Variants in BRAF observed in about 807,000 individuals in gnomAD.
BRAF encodes serine/threonine-protein kinase B-raf.
Under a neutral mutation model 104.6 loss-of-function variants are expected in BRAF, and 16 were observed. That is an observed-to-expected ratio of 0.15 (90% CI 0.10 to 0.23). BRAF has a LOEUF of 0.23. Ranked by LOEUF, BRAF falls within the 10% of genes least tolerant of loss-of-function variation. BRAF has a pLI of 1.00. For missense variants in BRAF, 541 were observed against 937.3 expected (o/e 0.58, Z 5.52); for synonymous variants, 310 against 341.6 (o/e 0.91, Z 1.02).
rs769648920 is a variant in BRAF at position 140,834,677 on chromosome 7, G to T, written c.436C>A (p.Arg146=). 1.2e-6 allele frequency: 2 copies of T among 1,614,120 alleles called. No individual in the cohort carries two copies. Among genetic ancestry groups the T allele is most frequent in the South Asian group, 2.2e-5 (2 of 91,082 alleles). The change falls in exon 3 of 20, where the codon CGG becomes AGG. Residue 146 remains arginine (R), a synonymous_variant. Transcript: ENST00000644969. ...SVFQNPTDVA[R]SNPKSPQKPI... ...TTTTGTGGTGACTTGGGGTTGCTCC[G>T]TGCCACATCTGTGGGATTTTGAAAA...
chr7:140,754,583 C>T (rs998601915), intron 14 of BRAF, among the ~76,000 whole-genome samples: 5 of 152,154 alleles, frequency 3.3e-5, no homozygotes, highest in Non-Finnish European at 7.3e-5. Context: ...ATGCTCCCCT[C>T]CTACACCCAA....
chr7:140,734,738 T>C lies in BRAF; in HGVS notation c.2280A>G (p.Ser760=), dbSNP rs915698949. ...ILASIELLAR[S]LPKIHRSASE... ...ATGCACTGCGGTGAATTTTTGGCAA[T>C]GAGCGGGCCAGCAGCTCAATAGAGG... is the stretch of plus-strand genomic sequence containing the variant. Residue 760 remains serine, a synonymous_variant, in exon 19 of 20, where the codon TCA becomes TCG. Coordinates refer to ENST00000644969, the MANE Select transcript of BRAF (RefSeq NM_001374258.1). 1.7e-5 allele frequency: 27 copies of C among 1,586,600 alleles called. No homozygotes were observed. The highest frequency in any genetic ancestry group is 2.2e-5 in the Non-Finnish European group (26 of 1,176,054).
At chr7:140,872,440 T>A (rs1811719373) in intron 1 of BRAF, among the ~76,000 whole-genome samples, 1 of 152,010 alleles carries the variant, frequency 6.6e-6, no homozygotes, top group South Asian at 2.1e-4. Flanking sequence ...CCTACATACA[T>A]CTAAGAGAAA....
At chr7:140,762,259 G>A (rs1422835145) in intron 14 of BRAF, among the ~76,000 whole-genome samples, 3 of 152,040 alleles carry the variant, frequency 2.0e-5, no homozygotes, top group African/African-American at 2.4e-5. Flanking sequence ...TCAACTACAT[G>A]GAAACTGAAC....
chr7:140,827,940 C>T lies in BRAF; in HGVS notation c.504+6669G>A, dbSNP rs561593492. ...AGATGGAGTTTTGCTCTTGTTGCCC[C>T]GGCTGGAGTGCAACGGCGCAATCTC... is the stretch of plus-strand genomic sequence containing the variant. On this transcript the variant is annotated intron_variant, in intron 3 of 19. Transcript: ENST00000644969. Among the ~76,000 whole-genome samples, 23 of 152,124 alleles carry T rather than the reference C, an allele frequency of 1.5e-4. No homozygotes were observed. The South Asian group carries it at 3.9e-3, about 26-fold the overall frequency.
In BRAF at chr7:140,719,992, C is replaced by CCT; in HGVS notation, c.*6500_*6501dup. Reference sequence around the variant, plus strand: ...GTTCAAACAGGAAGCATCTCCCTTTCCTCTCCCTTACAGGAGTCATGTCCT... The same window carrying CCT: ...GTTCAAACAGGAAGCATCTCCCTTTCCTCTCTCCCTTACAGGAGTCATGTCCT... On this transcript the variant is annotated 3_prime_UTR_variant, in exon 20 of 20. Transcript: ENST00000644969. 9.4e-7 allele frequency: 1 copy of CCT among 1,062,596 alleles called. No individual in the cohort carries two copies. Among genetic ancestry groups the CCT allele is most frequent in the African/African-American group, 1.6e-5 (1 of 60,908 alleles). The allele number at this position is 1,062,596 out of a possible 1,614,324, so 65.8% of individuals were successfully genotyped here.
At chr7:140,881,729 T>G (rs546132228) in intron 1 of BRAF, among the ~76,000 whole-genome samples, 2 of 152,240 alleles carry the variant, frequency 1.3e-5, no homozygotes, top group African/African-American at 4.8e-5. Flanking sequence ...TTGGTTTCAC[T>G]TGAATACTTA....
rs2130821148 is a variant in BRAF, at chr7:140,722,191, ATC to A, written c.*4301_*4302del. ...CCTAGTTGCTCTATGTGATAAATAT[ATC>A]TGACTATACTAGGGATTATGTGCTT... On this transcript the variant is annotated 3_prime_UTR_variant, in exon 20 of 20. Transcript: ENST00000644969. 2 of 1,058,808 alleles carry A rather than the reference ATC, an allele frequency of 1.9e-6. No homozygotes were observed. The highest frequency in any genetic ancestry group is 1.1e-6 in the Non-Finnish European group (1 of 874,920). 65.6% of individuals were successfully genotyped at this position (1,058,808 alleles called of 1,614,324 possible). A position where few individuals can be genotyped will look rare whatever the true frequency, so the allele number is the denominator to read the frequency against.
chr7:140,754,380 T>C (rs1586019611), intron 14 of BRAF, 147 bp from the exon 14 acceptor site: 2 of 718,190 alleles, frequency 2.8e-6, no homozygotes, highest in East Asian at 2.7e-5. Flanking sequence ...TCACAGAATA[T>C]TAAAATAGAC....
rs560543663 is a variant in BRAF at position 140,868,346 on chromosome 7, G to C, written c.139-18134C>G. Among the ~76,000 whole-genome samples the C allele has an allele frequency of 4.6e-5, 7 of 152,254 alleles. No homozygotes were observed. The East Asian group carries it at 1.3e-3, about 29-fold the overall frequency. ...AAAACAGTCCAAACATTCATCAGCT[G>C]ATGAATAAATAAAATGTCGCATATC... On this transcript the variant is annotated intron_variant, in intron 1 of 19. Transcript: ENST00000644969.
intron 14 of BRAF, among the ~76,000 whole-genome samples, chr7:140,762,603 G>GTT (rs774057622): frequency 0.019 from 1,797 of 96,146 alleles, 56 homozygotes; most frequent in African/African-American, 0.057. Context: ...TCCAGGAGCT[G>GTT]TTTTTTTTTT....
intron 3 of BRAF, among the ~76,000 whole-genome samples, chr7:140,829,298 CTAGATTT>C (rs1446168481): frequency 1.3e-5 from 2 of 150,510 alleles, no homozygotes; most frequent in Admixed American, 1.3e-4. Context: ...ACCTCAACTC[CTAGATTT>C]TACATGCAGC....
chr7:140,716,640 A>G (rs185638140), downstream of BRAF, among the ~76,000 whole-genome samples: 24 of 152,364 alleles, frequency 1.6e-4, no homozygotes, highest in African/African-American at 5.0e-4. Flanking sequence ...AAGTACATTC[A>G]AAGTTAAGTT....
intron 18 of BRAF, among the ~76,000 whole-genome samples, chr7:140,737,346 T>C (rs1014082660): frequency 1.3e-5 from 2 of 152,202 alleles, no homozygotes; most frequent in Non-Finnish European, 2.9e-5. Flanking sequence ...TTCCCAGTGC[T>C]GGATATTACC....
chr7:140,834,357 G>C (rs1807092041), intron 3 of BRAF: 1 of 601,616 alleles, frequency 1.7e-6, no homozygotes, highest in Admixed American at 3.0e-5. Context: ...CTAGTGCTTA[G>C]ACATGACTGT....
chr7:140,723,414 G>A lies in BRAF; in HGVS notation c.*3080C>T, dbSNP rs1401699799. 8 of 1,053,700 alleles carry A rather than the reference G, an allele frequency of 7.6e-6. 1 individual carries two copies. The Admixed American group carries it at 3.3e-4, about 43-fold the overall frequency. 65.3% of individuals were successfully genotyped at this position (1,053,700 alleles called of 1,614,324 possible). ...TGTATGGGATTTTATCTTCTAAAATGCCCCAGTATGCCCTACTAGATCTCA... is the reference window on the plus strand; with the variant it reads ...TGTATGGGATTTTATCTTCTAAAATACCCCAGTATGCCCTACTAGATCTCA... On this transcript the variant is annotated 3_prime_UTR_variant, in exon 20 of 20. Coordinates refer to ENST00000644969, the MANE Select transcript of BRAF (RefSeq NM_001374258.1).
intron 19 of BRAF, among the ~76,000 whole-genome samples, chr7:140,729,197 T>C (rs555151755): frequency 6.6e-6 from 1 of 152,136 alleles, no homozygotes; most frequent in South Asian, 2.1e-4. Flanking sequence ...ATTGTACCAC[T>C]GCACTCCAGC....
intron 14 of BRAF, among the ~76,000 whole-genome samples, chr7:140,769,770 G>C (rs951670348): frequency 2.6e-5 from 4 of 151,690 alleles, no homozygotes; most frequent in African/African-American, 9.7e-5. Flanking sequence ...AGTCAGGGTC[G>C]CACAGTGTCA....
At chr7:140,774,849 G>C (rs538292202) in intron 14 of BRAF, among the ~76,000 whole-genome samples, 1 of 152,246 alleles carries the variant, frequency 6.6e-6, no homozygotes, top group African/African-American at 2.4e-5. Context: ...GAAGGATTTG[G>C]CATCTCTTTC....
Sources: allele counts gnomAD v4.1 joint callset (sites outside exome capture counted in the v4.1 genomes callset), GRCh38; gene constraint gnomAD v4.1.1; transcripts MANE v1.5; gene names NCBI Gene and HGNC (gene_info 2026-07-23, HGNC 2026-07-21).